The following MFSD6 variants were observed in gnomAD, a reference collection of about 807,000 sequenced individuals.
MFSD6 encodes the protein major facilitator superfamily domain containing 6.
A neutral mutation model predicts 56.3 loss-of-function variants in MFSD6; 26 were observed. The ratio of observed to expected loss-of-function variants is 0.46; its 90% CI spans 0.34 to 0.64. The LOEUF is 0.64. Among genes scored for constraint, MFSD6 ranks in the 30% least tolerant of loss-of-function variants. The pLI is 0.01. For missense variants in MFSD6, 750 were observed against 986.2 expected, an observed-to-expected ratio of 0.76 and a Z score of 3.21; for synonymous variants, 331 against 366.9, an observed-to-expected ratio of 0.90 and a Z score of 1.12.
Position 190,495,172 on chromosome 2 carries a change from G to T in MFSD6, c.1892-2267G>T, listed in dbSNP as rs966138062. 6.6e-6 allele frequency among the ~76,000 whole-genome samples: 1 copy of T among 151,396 alleles called. No individual in the cohort carries two copies. The highest frequency in any genetic ancestry group is 1.5e-5 in the Non-Finnish European group (1 of 67,906). ...CAAAGTTTCAGGATACAAAATTAAT[G>T]TACACAAATCAGTAGCTCTGCTGTA... On this transcript the variant is annotated intron_variant, in intron 6 of 7. Transcript: ENST00000392328. The surrounding 1 kb of genome is among the most constrained non-coding windows in gnomAD (Gnocchi z 4.7).
chr2:190,445,673 A>T (rs1468413823), intron 3 of MFSD6, among the ~76,000 whole-genome samples: 6 of 152,204 alleles, frequency 3.9e-5, no homozygotes, highest in African/African-American at 1.4e-4. Context: ...TGGCTTTAGA[A>T]CATAAGGTCT....
Position 190,489,917 on chromosome 2 carries a change from A to G in MFSD6, c.1891+51A>G, listed in dbSNP as rs553175269. On this transcript the variant is annotated intron_variant, in intron 6 of 7. Transcript: ENST00000392328. This position sits in a 1 kb window ranked among gnomAD's most constrained non-coding sequence, Gnocchi z 6.6. ...ATTCCTAACAGTTCAGGCCATGGGA[A>G]GTCAACAAATGCCCCGAGAAGCCTA... 2.0e-5 allele frequency: 29 copies of G among 1,445,908 alleles called. 1 individual carries two copies. The South Asian group carries it at 2.7e-4, about 13-fold the overall frequency. 89.6% of individuals were successfully genotyped at this position (1,445,908 alleles called of 1,614,324 possible).
chr2:190,468,626 T>A (rs2125139603), intron 3 of MFSD6, among the ~76,000 whole-genome samples: 1 of 150,688 alleles, frequency 6.6e-6, no homozygotes, highest in Admixed American at 6.6e-5. Context: ...CTAATTTTTT[T>A]TTTTTTTTTT....
In MFSD6 at chr2:190,496,065, T is replaced by C. The variant is rs1689654096; in HGVS notation, c.1892-1374T>C. On this transcript the variant is annotated intron_variant, in intron 6 of 7. Transcript: ENST00000392328. The surrounding 1 kb of genome is among the most constrained non-coding windows in gnomAD (Gnocchi z 4.7). ...CAGAGTAAACAGACAACCCACAGAG[T>C]GGGAGAAAATCTTCAGTCTATATAT... Among the ~76,000 whole-genome samples, 1 of 148,668 alleles carries C rather than the reference T, an allele frequency of 6.7e-6. No individual in the cohort carries two copies. The highest frequency in any genetic ancestry group is 2.5e-5 in the African/African-American group (1 of 40,354).
At position 190,469,834 on chromosome 2, in the gene MFSD6, C is replaced by G; in HGVS notation, c.1609C>G (p.Leu537Val). The G allele has an allele frequency of 6.2e-7, 1 of 1,607,572 alleles. No individual in the cohort carries two copies. Among genetic ancestry groups the G allele is most frequent in the Non-Finnish European group, 8.5e-7 (1 of 1,176,188 alleles). ...CTACCTGGAGAATGCCTGGACTGTT[C>G]TCCCCATGGAAGTTCTTCAAGGTAA... ...ISYLENAWTV[L>V]PMEVLQGVTH... Residue 537 changes from leucine to valine, a missense_variant, in exon 4 of 8, where the codon CTC becomes GTC. This residue lies in a region of MFSD6 where 125 missense variants were observed against 223.1 expected (regional missense o/e 0.56). Coordinates refer to ENST00000392328, the MANE Select transcript of MFSD6 (RefSeq NM_017694.4). This position sits in a 1 kb window ranked among gnomAD's most constrained non-coding sequence, Gnocchi z 5.3.
rs1408253448 is a variant in MFSD6, at chr2:190,502,159, A to G, written c.*1941A>G. 1 of 152,300 alleles carries G rather than the reference A, an allele frequency of 6.6e-6. No individual in the cohort carries two copies. Among genetic ancestry groups the G allele is most frequent in the Non-Finnish European group, 1.5e-5 (1 of 68,040 alleles). 9.4% of individuals were successfully genotyped at this position (152,300 alleles called of 1,614,324 possible). On this transcript the variant is annotated 3_prime_UTR_variant, in exon 8 of 8. Coordinates refer to ENST00000392328, the MANE Select transcript of MFSD6 (RefSeq NM_017694.4). The surrounding 1 kb of genome is among the most constrained non-coding windows in gnomAD (Gnocchi z 4.4). The stretch of plus-strand genomic sequence containing the variant: ...AGACCAAATTCAACATGCCTTTGTT[A>G]TGGAACATTTACTGTGACAGCAGAA...
rs1687824182 is a variant in MFSD6 at position 190,469,954 on chromosome 2, A to T, written c.1630+99A>T. Reference sequence around the variant, plus strand: ...GCATCTGATTCTATAAAGGAAGGGCAGGCCTACTGTTTCATGTGATTTTGA... The same window carrying T: ...GCATCTGATTCTATAAAGGAAGGGCTGGCCTACTGTTTCATGTGATTTTGA... On this transcript the variant is annotated intron_variant, in intron 4 of 7. Transcript: ENST00000392328. The surrounding 1 kb of genome is among the most constrained non-coding windows in gnomAD (Gnocchi z 5.3). The T allele has an allele frequency of 1.3e-6, 1 of 784,912 alleles. No individual in the cohort carries two copies. The allele number at this position is 784,912 out of a possible 1,614,324, so 48.6% of individuals were successfully genotyped here.
chr2:190,443,872 T>C lies in MFSD6; in HGVS notation c.1532+6311T>C, dbSNP rs987504778. Among the ~76,000 whole-genome samples the C allele has an allele frequency of 1.3e-5, 2 of 152,112 alleles. No individual in the cohort carries two copies. Among genetic ancestry groups the C allele is most frequent in the African/African-American group, 2.4e-5 (1 of 41,398 alleles). On this transcript the variant is annotated intron_variant, in intron 3 of 7. Coordinates refer to ENST00000392328, the MANE Select transcript of MFSD6 (RefSeq NM_017694.4). This position sits in a 1 kb window ranked among gnomAD's most constrained non-coding sequence, Gnocchi z 4.2. Reference sequence around the variant, plus strand: ...GAGTTCGAGATCAGCCTGGGCAACATGGTGAGACCTTGTCTCTACAAAAAA... The same window carrying C: ...GAGTTCGAGATCAGCCTGGGCAACACGGTGAGACCTTGTCTCTACAAAAAA...
rs1007920918 is a variant in MFSD6 at position 190,454,140 on chromosome 2, G to A, written c.1533-15618G>A. On this transcript the variant is annotated intron_variant, in intron 3 of 7. Transcript: ENST00000392328. This position sits in a 1 kb window ranked among gnomAD's most constrained non-coding sequence, Gnocchi z 4.6. ...GTTACAGTAATCTTAGAAAACAGTT[G>A]TTTTATTACATCCATTTTACAATGG... The A allele has an allele frequency of 4.6e-5, 7 of 152,078 alleles. No homozygotes were observed. Among genetic ancestry groups the A allele is most frequent in the African/African-American group, 1.2e-4 (5 of 41,406 alleles). 9.4% of individuals were successfully genotyped at this position (152,078 alleles called of 1,614,324 possible).
rs1166090192 is a variant in MFSD6, at chr2:190,469,328, T to C, written c.1533-430T>C. 6.6e-6 allele frequency among the ~76,000 whole-genome samples: 1 copy of C among 152,208 alleles called. No individual in the cohort carries two copies. Among genetic ancestry groups the C allele is most frequent in the Non-Finnish European group, 1.5e-5 (1 of 68,030 alleles). On this transcript the variant is annotated intron_variant, in intron 3 of 7. Coordinates refer to ENST00000392328, the MANE Select transcript of MFSD6 (RefSeq NM_017694.4). This position sits in a 1 kb window ranked among gnomAD's most constrained non-coding sequence, Gnocchi z 5.3. The stretch of plus-strand genomic sequence containing the variant: ...TCGTGTTTACATATTCTCATTTTTA[T>C]CCTTCCTTCCCCCATTGTAGTGAAG...
chr2:190,471,147 A>G lies in MFSD6; in HGVS notation c.1630+1292A>G, dbSNP rs1687899122. On this transcript the variant is annotated intron_variant, in intron 4 of 7. Transcript: ENST00000392328. The surrounding 1 kb of genome is among the most constrained non-coding windows in gnomAD (Gnocchi z 4.7). The stretch of plus-strand genomic sequence containing the variant: ...GGCCGAATAGGAACAGCTCCAGTCT[A>G]CAGGTCTCAGCGTAAGTGACACAGA... 6.6e-6 allele frequency among the ~76,000 whole-genome samples: 1 copy of G among 152,202 alleles called. No individual in the cohort carries two copies. The highest frequency in any genetic ancestry group is 2.4e-5 in the African/African-American group (1 of 41,450).
chr2:190,427,726 ACTTTTTTTTTTT>A (rs1317861702), intron 2 of MFSD6, among the ~76,000 whole-genome samples: 1 of 117,568 alleles, frequency 8.5e-6, no homozygotes, highest in African/African-American at 4.1e-5. Context: ...GAAGTCTACC[ACTTTTTTTTTTT>A]CTTTTTTTTT....
At position 190,492,463 on chromosome 2, in the gene MFSD6, A is replaced by G. The variant is rs1431446916; in HGVS notation, c.1891+2597A>G. Among the ~76,000 whole-genome samples the G allele has an allele frequency of 1.3e-5, 2 of 152,216 alleles. No homozygotes were observed. Among genetic ancestry groups the G allele is most frequent in the East Asian group, 3.8e-4 (2 of 5,200 alleles). On this transcript the variant is annotated intron_variant, in intron 6 of 7. Coordinates refer to ENST00000392328, the MANE Select transcript of MFSD6 (RefSeq NM_017694.4). The surrounding 1 kb of genome is among the most constrained non-coding windows in gnomAD (Gnocchi z 5.2). ...CAGCAGATTTCTCAGCAGAAACCCT[A>G]CAAGCTAGAAGGGATTGAGGCCCTA...
intron 3 of MFSD6, among the ~76,000 whole-genome samples, chr2:190,453,372 A>G (rs1055165936): frequency 6.6e-6 from 1 of 152,198 alleles, no homozygotes; most frequent in African/African-American, 2.4e-5. Context: ...GGAAAGTTGC[A>G]TTGATAAGCC....
In MFSD6 at chr2:190,436,039, GAT is replaced by G; in HGVS notation, c.12_13del (p.Asp4GlufsTer8). Reference protein sequence around the residue: MADDKVAILTDDEE... With the variant: MADXKVAILTDDEE... Reference sequence around the variant, plus strand: ...ATGGTGGTGGTAAGCCATGGCAGATGATAAAGTTGCTATCTTAACGGATGATG... The same window carrying G: ...ATGGTGGTGGTAAGCCATGGCAGATGAAAGTTGCTATCTTAACGGATGATG... On this transcript the variant is annotated frameshift_variant, in exon 3 of 8. Coordinates refer to ENST00000392328, the MANE Select transcript of MFSD6 (RefSeq NM_017694.4). LOFTEE classifies it high-confidence loss of function. The surrounding 1 kb of genome is among the most constrained non-coding windows in gnomAD (Gnocchi z 5.3). 1 of 1,609,438 alleles carries G rather than the reference GAT, an allele frequency of 6.2e-7. No individual in the cohort carries two copies. Among genetic ancestry groups the G allele is most frequent in the Non-Finnish European group, 8.5e-7 (1 of 1,176,522 alleles).
chr2:190,442,084 C>T (rs1395825009), intron 3 of MFSD6, among the ~76,000 whole-genome samples: 4 of 152,124 alleles, frequency 2.6e-5, no homozygotes, highest in East Asian at 1.9e-4. Flanking sequence ...ATAACTTTTT[C>T]CCCATTCTGA....
At position 190,488,360 on chromosome 2, in the gene MFSD6, G is replaced by A. The variant is rs972356210; in HGVS notation, c.1631-297G>A. 1.3e-5 allele frequency among the ~76,000 whole-genome samples: 2 copies of A among 152,214 alleles called. No individual in the cohort carries two copies. Among genetic ancestry groups the A allele is most frequent in the Non-Finnish European group, 2.9e-5 (2 of 68,024 alleles). ...TCAAGAGACAGGAAGTAGAATGGTG[G>A]TTGTCAGGGGATGGGACAAGGGGTG... On this transcript the variant is annotated intron_variant, in intron 4 of 7. Coordinates refer to ENST00000392328, the MANE Select transcript of MFSD6 (RefSeq NM_017694.4). This position sits in a 1 kb window ranked among gnomAD's most constrained non-coding sequence, Gnocchi z 6.4.
chr2:190,416,058 G>T lies in MFSD6; in HGVS notation c.-54+645G>T, dbSNP rs1248210405. Reference sequence around the variant, plus strand: ...AGGTAGAAGGAAATGAAGTTCTGGGGCCTGCTTCAAATTTATATTATAAAT... The same window carrying T: ...AGGTAGAAGGAAATGAAGTTCTGGGTCCTGCTTCAAATTTATATTATAAAT... On this transcript the variant is annotated intron_variant, in intron 2 of 7. Transcript: ENST00000392328. The surrounding 1 kb of genome is among the most constrained non-coding windows in gnomAD (Gnocchi z 4.1). 6.6e-6 allele frequency among the ~76,000 whole-genome samples: 1 copy of T among 152,144 alleles called. No homozygotes were observed. The highest frequency in any genetic ancestry group is 2.4e-5 in the African/African-American group (1 of 41,422).
Position 190,489,543 on chromosome 2 carries a change from C to G in MFSD6, c.1793-225C>G, listed in dbSNP as rs1324490706. On this transcript the variant is annotated intron_variant, in intron 5 of 7. Transcript: ENST00000392328. The surrounding 1 kb of genome is among the most constrained non-coding windows in gnomAD (Gnocchi z 6.6). ...ACTGAGAGATAATCCTATATAAATG[C>G]AGTTTTATAATCGATCAATGACAGA... Among the ~76,000 whole-genome samples the G allele has an allele frequency of 6.6e-6, 1 of 152,170 alleles. No individual in the cohort carries two copies.
Sources: allele counts gnomAD v4.1 joint callset (sites outside exome capture counted in the v4.1 genomes callset), GRCh38; gene constraint gnomAD v4.1.1; regional missense constraint gnomAD v4.1.1; non-coding constraint Gnocchi (gnomAD v3.1); transcripts MANE v1.5; gene names NCBI Gene and HGNC (gene_info 2026-07-23, HGNC 2026-07-21).